Variants in SH3KBP1 observed in about 807,000 individuals in gnomAD.
The protein encoded by SH3KBP1 is SH3 domain-containing kinase-binding protein 1.
SH3KBP1 carries 8 observed loss-of-function variants against 50.1 expected under a neutral mutation model. The ratio of observed to expected loss-of-function variants is 0.16; its 90% CI spans 0.09 to 0.29. The LOEUF (loss-of-function observed/expected upper bound fraction) is 0.29, where lower values mean the gene tolerates loss of function less well. Among genes scored for constraint, SH3KBP1 ranks in the 10% least tolerant of loss-of-function variants. SH3KBP1 has a pLI of 1.00. For missense variants in SH3KBP1, 377 were observed against 535.2 expected (o/e 0.70, Z 2.92); for synonymous variants, 227 against 218.6 (o/e 1.04, Z -0.34).
rs376757208 is a variant in SH3KBP1 at position 19,874,370 on chromosome X, G to A, written c.4+12937C>T. On this transcript the variant is annotated intron_variant, in intron 1 of 17. Coordinates refer to ENST00000397821, the MANE Select transcript of SH3KBP1 (RefSeq NM_031892.3). ...ACTGGGGTCGGGGGAGAAAGAAGTG[G>A]GCAGAGAGACAGAAAAGGGGGCTTG... 1.3e-4 allele frequency among the ~76,000 whole-genome samples: 11 copies of A among 86,706 alleles called. No homozygotes were observed. In the East Asian group the frequency reaches 4.1e-3, roughly 32 times the overall value. The allele number at this position is 86,706 out of a possible 115,157, so 75.3% of individuals were successfully genotyped here.
intron 12 of SH3KBP1, among the ~76,000 whole-genome samples, chrX:19,582,253 G>A (rs983937040): frequency 4.5e-5 from 5 of 111,982 alleles, no homozygotes; most frequent in African/African-American, 1.6e-4. Flanking sequence ...GCCCGACAGA[G>A]GATAGAGCCA....
intron 1 of SH3KBP1, among the ~76,000 whole-genome samples, chrX:19,840,184 TAAGG>T (rs2068182910): frequency 1.8e-5 from 2 of 111,968 alleles, no homozygotes; most frequent in South Asian, 7.4e-4. Context: ...CTACCCACTC[TAAGG>T]GCTCTTTCCA....
chrX:19,759,261 G>A (rs892743488), intron 2 of SH3KBP1, among the ~76,000 whole-genome samples: 7 of 111,496 alleles, frequency 6.3e-5, no homozygotes, highest in African/African-American at 1.6e-4. Context: ...GAATGACCCC[G>A]TGTGGTCCTA....
intron 4 of SH3KBP1, among the ~76,000 whole-genome samples, chrX:19,704,443 C>T (rs1603057442): frequency 8.9e-6 from 1 of 112,595 alleles, no homozygotes; most frequent in African/African-American, 3.2e-5. Context: ...TGCATTATTA[C>T]AATATTAAAA....
At chrX:19,798,423 G>A (rs2066786974) in intron 2 of SH3KBP1, among the ~76,000 whole-genome samples, 1 of 110,822 alleles carries the variant, frequency 9.0e-6, no homozygotes, top group Non-Finnish European at 1.9e-5. Flanking sequence ...CCTCCCTCTG[G>A]CTGAATATAG....
chrX:19,799,299 C>A, intron 2 of SH3KBP1, among the ~76,000 whole-genome samples: 1 of 111,569 alleles, frequency 9.0e-6, no homozygotes, highest in African/African-American at 3.3e-5. Context: ...AGAAAACTCA[C>A]CTGGCTGTCG....
At chrX:19,872,833 T>TCTCTCACACA (rs1211110008) in intron 1 of SH3KBP1, among the ~76,000 whole-genome samples, 41 of 96,509 alleles carry the variant, frequency 4.2e-4, no homozygotes, top group African/African-American at 1.5e-3. Flanking sequence ...TCTCTCTCTC[T>TCTCTCACACA]CACACACACA....
At chrX:19,778,765 G>A (rs933799259) in intron 2 of SH3KBP1, among the ~76,000 whole-genome samples, 1 of 110,610 alleles carries the variant, frequency 9.0e-6, no homozygotes. Flanking sequence ...GGGCTTCCAG[G>A]AGTGACACAT....
intron 1 of SH3KBP1, among the ~76,000 whole-genome samples, chrX:19,849,539 A>C (rs1165136137): frequency 1.8e-5 from 2 of 109,892 alleles, no homozygotes; most frequent in African/African-American, 6.6e-5. Flanking sequence ...AAATACAAAA[A>C]TTAGCTAGGC....
intron 4 of SH3KBP1, among the ~76,000 whole-genome samples, chrX:19,699,731 T>C: frequency 8.9e-6 from 1 of 112,135 alleles, no homozygotes; most frequent in Non-Finnish European, 1.9e-5. Flanking sequence ...TTTTTAAATC[T>C]TAACCCTGTT....
At chrX:19,803,553 G>T (rs2066948528) in intron 2 of SH3KBP1, among the ~76,000 whole-genome samples, 1 of 111,424 alleles carries the variant, frequency 9.0e-6, no homozygotes, top group African/African-American at 3.3e-5. Flanking sequence ...GTTAAGAAAA[G>T]TCACACACGC....
chrX:19,755,355 C>T (rs757960160), intron 2 of SH3KBP1, among the ~76,000 whole-genome samples: 50 of 111,252 alleles, frequency 4.5e-4, no homozygotes, highest in African/African-American at 1.3e-3. Flanking sequence ...GGCGACAGGG[C>T]GAGACTCTGT....
intron 2 of SH3KBP1, among the ~76,000 whole-genome samples, chrX:19,782,840 C>T (rs766803084): frequency 9.0e-6 from 1 of 111,646 alleles, no homozygotes; most frequent in South Asian, 3.7e-4. Flanking sequence ...GGTGCGGTGG[C>T]TCATGCCTGT....
chrX:19,596,400 C>T (rs892410020), intron 9 of SH3KBP1, among the ~76,000 whole-genome samples: 3 of 111,932 alleles, frequency 2.7e-5, no homozygotes, highest in African/African-American at 9.8e-5. Flanking sequence ...GATATCTGAG[C>T]CTTCAGCGAG....
At chrX:19,743,522 C>T (rs1002046606) in intron 3 of SH3KBP1, among the ~76,000 whole-genome samples, 2 of 111,966 alleles carry the variant, frequency 1.8e-5, no homozygotes, top group African/African-American at 6.5e-5. Flanking sequence ...CGTTTACAAA[C>T]GTTAAAGCTG....
intron 7 of SH3KBP1, among the ~76,000 whole-genome samples, chrX:19,639,346 T>A (rs1441587971): frequency 1.8e-5 from 2 of 111,256 alleles, no homozygotes. Context: ...AAGTATATTT[T>A]AAAAAGAAGA....
chrX:19,691,332 C>T (rs2063283968), intron 5 of SH3KBP1, among the ~76,000 whole-genome samples: 1 of 84,359 alleles, frequency 1.2e-5, no homozygotes, highest in South Asian at 4.9e-4. Flanking sequence ...GTCGCTCTCT[C>T]TCTCTCTCTC....
intron 5 of SH3KBP1, among the ~76,000 whole-genome samples, chrX:19,685,469 G>A (rs1463163502): frequency 2.7e-5 from 3 of 111,578 alleles, no homozygotes; most frequent in Non-Finnish European, 5.7e-5. Context: ...GGTCCCCAGT[G>A]TACATTTTAA....
intron 3 of SH3KBP1, among the ~76,000 whole-genome samples, chrX:19,724,168 T>C (rs981866464): frequency 9.0e-6 from 1 of 110,895 alleles, no homozygotes; most frequent in African/African-American, 3.3e-5. Flanking sequence ...ATGAAAAGTG[T>C]AAACTTAGAA....
Sources: allele counts gnomAD v4.1 joint callset (sites outside exome capture counted in the v4.1 genomes callset), GRCh38; gene constraint gnomAD v4.1.1; transcripts MANE v1.5; gene names NCBI Gene and HGNC (gene_info 2026-07-23, HGNC 2026-07-21).